DPP10: variants seen among roughly 807,000 people sequenced by gnomAD.
DPP10 encodes inactive dipeptidyl peptidase 10.
Under a neutral mutation model 120.9 loss-of-function variants are expected in DPP10, and 33 were observed. The observed-to-expected ratio is 0.27, with a 90% CI of 0.21 to 0.37. DPP10 has a LOEUF of 0.37. Among genes scored for constraint, DPP10 ranks in the 10% least tolerant of loss-of-function variants. The probability of loss-of-function intolerance (pLI) is 1.00; values close to 1 mark genes in which losing one functional copy is unlikely to be tolerated. For missense variants in DPP10, 816 were observed against 942.8 expected, an observed-to-expected ratio of 0.87 and a Z score of 1.76; for synonymous variants, 337 against 326.1, an observed-to-expected ratio of 1.03 and a Z score of -0.36.
At chr2:115,488,870 T>TA (rs1491563436) in intron 3 of DPP10, among the ~76,000 whole-genome samples, 2 of 56,298 alleles carry the variant, frequency 3.6e-5, no homozygotes, top group African/African-American at 8.4e-5. Context: ...CCCTAAAACT[T>TA]AGAGTATAAT....
At chr2:115,069,330 T>C (rs1172678439) in intron 1 of DPP10, among the ~76,000 whole-genome samples, 2 of 152,098 alleles carry the variant, frequency 1.3e-5, no homozygotes, top group African/African-American at 2.4e-5. Flanking sequence ...TTTTCTTTTT[T>C]GGGTGTTTCA....
At chr2:115,732,091 T>A (rs2092925017) in intron 8 of DPP10, among the ~76,000 whole-genome samples, 1 of 152,180 alleles carries the variant, frequency 6.6e-6, no homozygotes, top group Non-Finnish European at 1.5e-5. Flanking sequence ...TGTGTGATAC[T>A]CTGGTGTGGA....
chr2:114,722,999 A>C (rs1052392614), intron 1 of DPP10, among the ~76,000 whole-genome samples: 1 of 152,120 alleles, frequency 6.6e-6, no homozygotes, highest in Non-Finnish European at 1.5e-5. Flanking sequence ...AGTGGAACTC[A>C]GACATGGGGC....
At chr2:115,673,800 T>G (rs2090079875) in intron 5 of DPP10, among the ~76,000 whole-genome samples, 1 of 152,244 alleles carries the variant, frequency 6.6e-6, no homozygotes, top group Non-Finnish European at 1.5e-5. Flanking sequence ...GCCTTATCTA[T>G]AGTCTGAACT....
chr2:114,971,382 A>G (rs1699383827), intron 1 of DPP10, among the ~76,000 whole-genome samples: 1 of 152,156 alleles, frequency 6.6e-6, no homozygotes, highest in African/African-American at 2.4e-5. Flanking sequence ...GGTTCCCCAG[A>G]AAAGGGTTTT....
intron 1 of DPP10, among the ~76,000 whole-genome samples, chr2:114,488,509 CA>C (rs1278472162): frequency 6.6e-6 from 1 of 152,100 alleles, no homozygotes; most frequent in African/African-American, 2.4e-5. Flanking sequence ...GGCCTGTGGT[CA>C]AATGATAAAT....
chr2:115,105,582 T>A (rs192304270), intron 1 of DPP10, among the ~76,000 whole-genome samples: 2 of 152,116 alleles, frequency 1.3e-5, no homozygotes, highest in African/African-American at 2.4e-5. Flanking sequence ...GACCCAGACA[T>A]CTCCCACTTG....
chr2:115,840,003 C>G (rs1340562985), intron 24 of DPP10, among the ~76,000 whole-genome samples: 1 of 151,954 alleles, frequency 6.6e-6, no homozygotes, highest in South Asian at 2.1e-4. Context: ...AAGCAGAATG[C>G]CAGTATCCAA....
intron 5 of DPP10, among the ~76,000 whole-genome samples, chr2:115,590,151 TTTATTA>T (rs59816892): frequency 0.47 from 64,577 of 138,560 alleles, 17,993 homozygotes; most frequent in Non-Finnish European, 0.64. Context: ...ATTTGTTTTC[TTTATTA>T]TTATTATTAT....
intron 1 of DPP10, among the ~76,000 whole-genome samples, chr2:115,056,826 T>C (rs1705960039): frequency 1.3e-5 from 2 of 152,224 alleles, no homozygotes; most frequent in African/African-American, 4.8e-5. Flanking sequence ...GGATATCGGC[T>C]TATAGCCATG....
chr2:115,179,983 T>G (rs986551088), intron 1 of DPP10, among the ~76,000 whole-genome samples: 1 of 152,134 alleles, frequency 6.6e-6, no homozygotes. Context: ...TCAAATAACC[T>G]CTTTTCTCTG....
chr2:115,035,013 A>G (rs561429438), intron 1 of DPP10, among the ~76,000 whole-genome samples: 12 of 152,276 alleles, frequency 7.9e-5, no homozygotes, highest in Admixed American at 6.5e-4. Context: ...GCCTTTCCCA[A>G]TCTAAACACA....
At chr2:115,187,050 T>TTTTTC (rs2054503503) in intron 1 of DPP10, among the ~76,000 whole-genome samples, 1 of 108,262 alleles carries the variant, frequency 9.2e-6, no homozygotes, top group African/African-American at 4.0e-5. Flanking sequence ...TTTTTTTTTT[T>TTTTTC]TTTTTGAGAC....
intron 4 of DPP10, among the ~76,000 whole-genome samples, chr2:115,511,907 A>T (rs2077253864): frequency 6.6e-6 from 1 of 150,890 alleles, no homozygotes. Context: ...TTTTAAAAAA[A>T]GTTTTGTCAC....
chr2:115,424,457 A>G (rs371146546), intron 3 of DPP10, among the ~76,000 whole-genome samples: 1 of 151,932 alleles, frequency 6.6e-6, no homozygotes, highest in South Asian at 2.1e-4. Context: ...GTGTACTGTC[A>G]AGATAAATTA....
chr2:114,770,925 G>A (rs1039252105), intron 1 of DPP10, among the ~76,000 whole-genome samples: 1 of 148,718 alleles, frequency 6.7e-6, no homozygotes, highest in African/African-American at 2.5e-5. Flanking sequence ...GAAATATGTG[G>A]TTATAAAATC....
chr2:115,379,279 G>A (rs2066086509), intron 3 of DPP10, among the ~76,000 whole-genome samples: 1 of 152,160 alleles, frequency 6.6e-6, no homozygotes, highest in Non-Finnish European at 1.5e-5. Context: ...GTTTAGTCTT[G>A]GGAGAGTGTA....
chr2:114,699,037 C>G (rs1700229736), intron 1 of DPP10, among the ~76,000 whole-genome samples: 1 of 152,058 alleles, frequency 6.6e-6, no homozygotes, highest in African/African-American at 2.4e-5. Context: ...ACTGGATAAG[C>G]TGGGCCTTAC....
intron 5 of DPP10, among the ~76,000 whole-genome samples, chr2:115,528,954 G>A (rs2078296646): frequency 1.3e-5 from 2 of 151,948 alleles, no homozygotes; most frequent in Non-Finnish European, 2.9e-5. Flanking sequence ...AAATGTCAAT[G>A]TCCTTGTTGT....
Sources: gnomAD v4.1 joint callset for allele counts (sites outside exome capture counted in the v4.1 genomes callset) on GRCh38, gnomAD v4.1.1 for gene constraint, MANE v1.5 for transcripts, NCBI Gene and HGNC (gene_info 2026-07-23, HGNC 2026-07-21) for gene names.